LHCGR: variants seen among roughly 807,000 people sequenced by gnomAD.
LHCGR encodes lutropin-choriogonadotropic hormone receptor.
A neutral mutation model predicts 60.7 loss-of-function variants in LHCGR; 55 were observed. That is an observed-to-expected ratio of 0.91 (90% CI 0.73 to 1.13). LHCGR has a LOEUF of 1.13. Ranked by LOEUF, LHCGR falls within the 50% of genes most tolerant of loss-of-function variation. The probability of loss-of-function intolerance (pLI) is 0.00; values close to 1 mark genes in which losing one functional copy is unlikely to be tolerated. For missense variants in LHCGR, 862 were observed against 836.0 expected, an observed-to-expected ratio of 1.03 and a Z score of -0.38; for synonymous variants, 337 against 316.5, an observed-to-expected ratio of 1.06 and a Z score of -0.69.
chr2:48,737,274 A>G (rs1020922751), intron 1 of LHCGR, among the ~76,000 whole-genome samples: 4 of 152,252 alleles, frequency 2.6e-5, no homozygotes, highest in Non-Finnish European at 5.9e-5. Context: ...GTTTATTGCT[A>G]GAGCTATATC....
At chr2:48,732,058 A>T (rs1482207554) in intron 1 of LHCGR, among the ~76,000 whole-genome samples, 2 of 152,214 alleles carry the variant, frequency 1.3e-5, no homozygotes, top group East Asian at 3.9e-4. Context: ...AATAAAATCT[A>T]TGCTGTACTT....
intron 1 of LHCGR, among the ~76,000 whole-genome samples, chr2:48,746,235 A>G (rs1433408165): frequency 6.6e-6 from 1 of 152,170 alleles, no homozygotes; most frequent in African/African-American, 2.4e-5. Flanking sequence ...CATACTTAGG[A>G]ATTGATTCTT....
At chr2:48,712,941 A>G (rs1252079442) in intron 7 of LHCGR, among the ~76,000 whole-genome samples, 3 of 152,202 alleles carry the variant, frequency 2.0e-5, no homozygotes, top group Admixed American at 2.0e-4. Context: ...TCAATATAAT[A>G]GAGGCTTTGG....
intron 3 of LHCGR, among the ~76,000 whole-genome samples, chr2:48,726,274 A>G (rs576190002): frequency 6.6e-6 from 1 of 152,322 alleles, no homozygotes; most frequent in South Asian, 2.1e-4. Context: ...GGGGGATTTT[A>G]TACTCATGCT....
At chr2:48,751,053 A>C (rs1669934339) in intron 1 of LHCGR, among the ~76,000 whole-genome samples, 1 of 152,220 alleles carries the variant, frequency 6.6e-6, no homozygotes, top group African/African-American at 2.4e-5. Context: ...GATATGTACA[A>C]AAATATATGT....
rs75833315 is a variant in LHCGR, at chr2:48,701,508, G to A, written c.681-2708C>T. 6.4e-3 allele frequency among the ~76,000 whole-genome samples: 980 copies of A among 152,138 alleles called. 8 individuals are homozygous for A. Among genetic ancestry groups the A allele is most frequent in the African/African-American group, 0.022 (913 of 41,506 alleles). On this transcript the variant is annotated intron_variant, in intron 8 of 10. Transcript: ENST00000294954. ...GAACACTTTTCCTGCAGATAATCAC[G>A]TAACTTGCTCTCTTAGTTCCTTTAG...
At chr2:48,722,588 C>T (rs1439496852) in intron 6 of LHCGR, among the ~76,000 whole-genome samples, 1 of 152,050 alleles carries the variant, frequency 6.6e-6, no homozygotes, top group Non-Finnish European at 1.5e-5. Context: ...GTGACATCTC[C>T]CTGCTCTCTC....
intron 10 of LHCGR, among the ~76,000 whole-genome samples, chr2:48,692,293 T>G (rs1314119561): frequency 6.6e-6 from 1 of 152,248 alleles, no homozygotes; most frequent in African/African-American, 2.4e-5. Context: ...TTAGAAGCAC[T>G]ATTGTAAAAC....
At chr2:48,703,962 T>A (rs1459952642) in intron 8 of LHCGR, among the ~76,000 whole-genome samples, 5 of 152,210 alleles carry the variant, frequency 3.3e-5, no homozygotes, top group Admixed American at 3.3e-4. Context: ...CCTTGTCTTG[T>A]GCCAGTTTTC....
Position 48,694,359 on chromosome 2 carries a change from C to A in LHCGR, c.867-55G>T, listed in dbSNP as rs1667014073. The A allele has an allele frequency of 1.5e-5, 16 of 1,044,852 alleles. No homozygotes were observed. The East Asian group carries it at 4.0e-4, about 26-fold the overall frequency. 64.7% of individuals were successfully genotyped at this position (1,044,852 alleles called of 1,614,324 possible). On this transcript the variant is annotated intron_variant, in intron 9 of 10. Transcript: ENST00000294954. ...TGAGCTTTTGGACTTCAGGCTAAACCTGACTGTGCGTCTATTTATGCTTTG... is the reference window on the plus strand; with the variant it reads ...TGAGCTTTTGGACTTCAGGCTAAACATGACTGTGCGTCTATTTATGCTTTG...
chr2:48,739,775 C>A (rs562910468), intron 1 of LHCGR, among the ~76,000 whole-genome samples: 1 of 152,148 alleles, frequency 6.6e-6, no homozygotes, highest in South Asian at 2.1e-4. Context: ...AACAAACCTG[C>A]ATGTTGTGTA....
intron 1 of LHCGR, among the ~76,000 whole-genome samples, chr2:48,732,270 G>T (rs941154787): frequency 1.3e-5 from 2 of 152,192 alleles, no homozygotes; most frequent in African/African-American, 4.8e-5. Context: ...AGTGGGCAAG[G>T]ATATTTCAGG....
At chr2:48,690,728 C>G (rs1254463678) in intron 10 of LHCGR, among the ~76,000 whole-genome samples, 1 of 152,088 alleles carries the variant, frequency 6.6e-6, no homozygotes, top group Non-Finnish European at 1.5e-5. Flanking sequence ...ATTATAGTAC[C>G]CAAGTATTAT....
intron 7 of LHCGR, among the ~76,000 whole-genome samples, chr2:48,711,327 C>G (rs1007846273): frequency 6.6e-6 from 1 of 152,038 alleles, no homozygotes; most frequent in Admixed American, 6.5e-5. Context: ...TCTGTCTTTT[C>G]TGATAGAACA....
intron 1 of LHCGR, among the ~76,000 whole-genome samples, chr2:48,755,264 TC>T (rs1195962667): frequency 6.6e-6 from 1 of 151,696 alleles, no homozygotes; most frequent in Non-Finnish European, 1.5e-5. Flanking sequence ...ATAGTTCTAC[TC>T]CCCCGGCCAC....
At chr2:48,742,406 A>C (rs2103691673) in intron 1 of LHCGR, among the ~76,000 whole-genome samples, 1 of 150,456 alleles carries the variant, frequency 6.6e-6, no homozygotes, top group South Asian at 2.1e-4. Flanking sequence ...TCAGCACCAC[A>C]CCACACCTAT....
intron 8 of LHCGR, among the ~76,000 whole-genome samples, chr2:48,703,718 G>A (rs1027935857): frequency 2.0e-5 from 3 of 152,150 alleles, no homozygotes; most frequent in Non-Finnish European, 4.4e-5. Context: ...GAATGCTTGC[G>A]ATTTTTGCAC....
At chr2:48,702,509 G>A (rs555028704) in intron 8 of LHCGR, among the ~76,000 whole-genome samples, 3 of 152,048 alleles carry the variant, frequency 2.0e-5, no homozygotes, top group South Asian at 2.1e-4. Context: ...GAGAACATGC[G>A]GTGTTTAGTT....
chr2:48,722,916 C>T (rs554257735), intron 6 of LHCGR, among the ~76,000 whole-genome samples: 167 of 152,058 alleles, frequency 1.1e-3, no homozygotes, highest in Middle Eastern at 0.01. Flanking sequence ...GAGTAACTGT[C>T]AAATAAAAAC....
Sources: gnomAD v4.1 joint callset for allele counts (sites outside exome capture counted in the v4.1 genomes callset) on GRCh38, gnomAD v4.1.1 for gene constraint, MANE v1.5 for transcripts, NCBI Gene and HGNC (gene_info 2026-07-23, HGNC 2026-07-21) for gene names.